The following CTSD variants were observed in gnomAD, a reference collection of about 807,000 sequenced individuals.
CTSD encodes ceroid-lipofuscinosis, neuronal 10.
A neutral mutation model predicts 43.6 loss-of-function variants in CTSD; 28 were observed. The observed-to-expected ratio is 0.64, with a 90% CI of 0.48 to 0.88. The LOEUF is 0.88. Among genes scored for constraint, CTSD ranks in the 40% least tolerant of loss-of-function variants. CTSD has a pLI of 0.00. For synonymous variants in CTSD, 270 were observed against 249.8 expected, an observed-to-expected ratio of 1.08 and a Z score of -0.76; for missense variants, 485 against 555.2, an observed-to-expected ratio of 0.87 and a Z score of 1.27.
At chr11:1,754,215 C>G in intron 6 of CTSD, 77 bp from the exon 7 acceptor site, 1 of 1,532,642 alleles carries the variant, frequency 6.5e-7, no homozygotes, top group South Asian at 1.2e-5. Context: ...CCCTGGGAGC[C>G]CCTCCCCTGG....
At chr11:1,756,430 A>G (rs777928151) in intron 5 of CTSD, among the ~76,000 whole-genome samples, 1 of 152,274 alleles carries the variant, frequency 6.6e-6, no homozygotes, top group South Asian at 2.1e-4. Context: ...CCAGCCCTAC[A>G]GCCGGAATTC....
At chr11:1,755,335 GAAGT>G in intron 5 of CTSD, 1 of 445,230 alleles carries the variant, frequency 2.2e-6, no homozygotes, top group South Asian at 2.1e-5. Flanking sequence ...GGCAGACAAG[GAAGT>G]GAGTGCCAGG....
chr11:1,763,809 G>T lies in CTSD; in HGVS notation c.51C>A (p.Pro17=). The part of the protein sequence containing the change: ...LPLALCLLAA[P]ASALVRIPLH... ...GGCTTCACCTGACGAGCGCGGAGGC[G>T]GGTGCAGCCAGCAGGCAGAGGGCGA... Residue 17 remains proline (P), a synonymous_variant, in exon 1 of 9, where the codon CCC becomes CCA. Coordinates refer to ENST00000236671, the MANE Select transcript of CTSD (RefSeq NM_001909.5). 6.6e-7 allele frequency: 1 copy of T among 1,526,570 alleles called. No homozygotes were observed. The highest frequency in any genetic ancestry group is 8.7e-7 in the Non-Finnish European group (1 of 1,142,972). The allele number at this position is 1,526,570 out of a possible 1,614,324, so 94.6% of individuals were successfully genotyped here. A position where few individuals can be genotyped will look rare whatever the true frequency, so the allele number is the denominator to read the frequency against.
rs990717624 is a variant in CTSD, at chr11:1,759,754, C to T, written c.229-115G>A. The T allele has an allele frequency of 8.1e-5, 94 of 1,159,828 alleles. 1 individual carries two copies. The highest frequency in any genetic ancestry group is 2.2e-4 in the Admixed American group (8 of 36,200). The allele number at this position is 1,159,828 out of a possible 1,614,324, so 71.8% of individuals were successfully genotyped here. A position where few individuals can be genotyped will look rare whatever the true frequency, so the allele number is the denominator to read the frequency against. On this transcript the variant is annotated intron_variant, in intron 2 of 8. Coordinates refer to ENST00000236671, the MANE Select transcript of CTSD (RefSeq NM_001909.5). Reference sequence around the variant, plus strand: ...GCCCATACTGGAGGGAGGGGCATCACGGGGCCCACAGCTGCCAACAGCCAC... The same window carrying T: ...GCCCATACTGGAGGGAGGGGCATCATGGGGCCCACAGCTGCCAACAGCCAC...
At position 1,761,459 on chromosome 11, in the gene CTSD, C is replaced by T; in HGVS notation, c.78G>A (p.Leu26=). ...APASALVRIP[L]HKFTSIRRTM... ...TCCGGCGGATGGACGTGAACTTGTG[C>T]AGCGGGATCCTGTCAACCACGGGTC... is the stretch of plus-strand genomic sequence containing the variant. Residue 26 remains leucine (L), a synonymous_variant, in exon 2 of 9, where the codon CTG becomes CTA. Coordinates refer to ENST00000236671, the MANE Select transcript of CTSD (RefSeq NM_001909.5). 6.2e-7 allele frequency: 1 copy of T among 1,613,824 alleles called. No homozygotes were observed. Among genetic ancestry groups the T allele is most frequent in the Non-Finnish European group, 8.5e-7 (1 of 1,179,986 alleles).
chr11:1,755,766 C>T (rs1482576786), intron 5 of CTSD, among the ~76,000 whole-genome samples: 4 of 152,156 alleles, frequency 2.6e-5, no homozygotes, highest in African/African-American at 7.2e-5. Flanking sequence ...GCCTGTCACT[C>T]GAGGCAGTGC....
At chr11:1,754,243 C>T in intron 6 of CTSD, 105 bp from the exon 7 acceptor site, 1 of 1,338,464 alleles carries the variant, frequency 7.5e-7, no homozygotes, top group Middle Eastern at 1.9e-4. Context: ...GCACTCTCCT[C>T]CCCTCAGGGC....
At chr11:1,762,531 C>T (rs919602324) in intron 1 of CTSD, 9 of 152,186 alleles carry the variant, frequency 5.9e-5, no homozygotes, top group African/African-American at 1.7e-4. Flanking sequence ...GGCGTGATCC[C>T]GGAAGATGAG....
At chr11:1,758,899 C>T in intron 4 of CTSD, 70 bp downstream of exon 4, 2 of 1,156,260 alleles carry the variant, frequency 1.7e-6, no homozygotes. Context: ...CTTTCAACCA[C>T]ATACCCACGG....
chr11:1,753,753 C>T (rs536868795), intron 8 of CTSD, 50 bp downstream of exon 8: 1 of 1,608,090 alleles, frequency 6.2e-7, no homozygotes, highest in South Asian at 1.1e-5. Context: ...AGCGTGCGCC[C>T]CCTCACCGCC....
chr11:1,758,487 G>GC (rs1007556232), intron 4 of CTSD, among the ~76,000 whole-genome samples: 7 of 152,100 alleles, frequency 4.6e-5, no homozygotes, highest in African/African-American at 1.7e-4. Context: ...TGCAGGCGGG[G>GC]CCCCCAACAG....
rs747502155 is a variant in CTSD at position 1,753,007 on chromosome 11, A to G, written c.*496T>C. The G allele has an allele frequency of 2.1e-5, 5 of 236,796 alleles. No homozygotes were observed. The highest frequency in any genetic ancestry group is 4.3e-5 in the Non-Finnish European group (5 of 117,552). The allele number at this position is 236,796 out of a possible 1,614,324, so 14.7% of individuals were successfully genotyped here. On this transcript the variant is annotated 3_prime_UTR_variant, in exon 9 of 9. Transcript: ENST00000236671. ...CAGGCCTCTAGCGGCCTCATCCTCA[A>G]CGGGCCCGGGACACTGAACAGGTAG...
At chr11:1,760,574 C>A (rs529613162) in intron 2 of CTSD, 1 of 153,552 alleles carries the variant, frequency 6.5e-6, no homozygotes, top group Admixed American at 6.5e-5. Flanking sequence ...TGCATGTGTG[C>A]GCATGCGTGC....
At chr11:1,759,378 A>AGCTG in intron 3 of CTSD, 138 bp downstream of exon 3, 1 of 1,296,348 alleles carries the variant, frequency 7.7e-7, no homozygotes. Context: ...CAGTGGCTGG[A>AGCTG]GCAGGGTGGA....
intron 4 of CTSD, 65 bp from the exon 5 acceptor site, chr11:1,757,621 G>T: frequency 7.3e-7 from 1 of 1,363,106 alleles, no homozygotes; most frequent in Non-Finnish European, 1.0e-6. Context: ...CCCTGAGCAT[G>T]AGGCTACAAA....
At chr11:1,760,379 C>T (rs569633826) in intron 2 of CTSD, 1 of 152,382 alleles carries the variant, frequency 6.6e-6, no homozygotes, top group South Asian at 2.1e-4. Context: ...TTTGGGGTCG[C>T]CTGGGCGCCC....
intron 1 of CTSD, chr11:1,761,820 G>A (rs1845881588): frequency 2.5e-6 from 1 of 395,450 alleles, no homozygotes; most frequent in Non-Finnish European, 4.8e-6. Context: ...CTGCACCTGC[G>A]CTGGTCTCTT....
chr11:1,757,203 C>T, intron 5 of CTSD, 121 bp downstream of exon 5: 2 of 872,518 alleles, frequency 2.3e-6, no homozygotes, highest in South Asian at 2.8e-5. Context: ...GGTCAGAGGT[C>T]AGGAGCTCTG....
Position 1,759,657 on chromosome 11 carries a change from C to A in CTSD, c.229-18G>T, listed in dbSNP as rs750329344. On this transcript the variant is annotated intron_variant, in intron 2 of 8. Coordinates refer to ENST00000236671, the MANE Select transcript of CTSD (RefSeq NM_001909.5). ...TACTGGGCCTGGCAGGGGACAGGGT[C>A]CGTCAGGGATGGGAGAGGGGGCCCC... 2 of 1,607,990 alleles carry A rather than the reference C, an allele frequency of 1.2e-6. No homozygotes were observed. Among genetic ancestry groups the A allele is most frequent in the South Asian group, 2.2e-5 (2 of 90,878 alleles).
Sources: gnomAD v4.1 joint callset for allele counts (sites outside exome capture counted in the v4.1 genomes callset) on GRCh38, gnomAD v4.1.1 for gene constraint, MANE v1.5 for transcripts, NCBI Gene and HGNC (gene_info 2026-07-23, HGNC 2026-07-21) for gene names.